Variants in ADCY2 observed in about 807,000 individuals in gnomAD.
ADCY2 encodes adenylate cyclase 2.
Under a neutral mutation model 125.2 loss-of-function variants are expected in ADCY2, and 31 were observed. The ratio of observed to expected loss-of-function variants is 0.25; its 90% CI spans 0.19 to 0.33. The LOEUF (loss-of-function observed/expected upper bound fraction) is 0.33, where lower values mean the gene tolerates loss of function less well. Among genes scored for constraint, ADCY2 ranks in the 10% least tolerant of loss-of-function variants. The pLI is 1.00. For synonymous variants in ADCY2, 512 were observed against 548.4 expected, an observed-to-expected ratio of 0.93 and a Z score of 0.93; for missense variants, 904 against 1,418.2, an observed-to-expected ratio of 0.64 and a Z score of 5.82.
chr5:7,629,465 A>C (rs1738245663), intron 4 of ADCY2, among the ~76,000 whole-genome samples: 1 of 152,238 alleles, frequency 6.6e-6, no homozygotes, highest in Non-Finnish European at 1.5e-5. Flanking sequence ...ATTAAAGCCC[A>C]TGCTTGAATA....
At chr5:7,573,933 C>A (rs1267979256) in intron 3 of ADCY2, among the ~76,000 whole-genome samples, 1 of 104,666 alleles carries the variant, frequency 9.6e-6, no homozygotes, top group Non-Finnish European at 1.9e-5. Context: ...ACAACAGTCC[C>A]CAGAGTGTGA....
intron 3 of ADCY2, among the ~76,000 whole-genome samples, chr5:7,587,171 C>A (rs1170193778): frequency 6.6e-6 from 1 of 152,130 alleles, no homozygotes; most frequent in Admixed American, 6.5e-5. Context: ...ACCATACCAT[C>A]ACTCGCAGGA....
In ADCY2 at chr5:7,617,021, G is replaced by A. The variant is rs145479008; in HGVS notation, c.571-9146G>A. On this transcript the variant is annotated intron_variant, in intron 3 of 24. Coordinates refer to ENST00000338316, the MANE Select transcript of ADCY2 (RefSeq NM_020546.3). ...TTTAATTGCCATTGTAACACTATTA[G>A]GAAGTAGAACTTTTACAAAGTGATT... is the stretch of plus-strand genomic sequence containing the variant. 3.6e-3 allele frequency among the ~76,000 whole-genome samples: 545 copies of A among 152,240 alleles called. 4 individuals carry two copies. Among genetic ancestry groups the A allele is most frequent in the African/African-American group, 0.013 (527 of 41,538 alleles).
chr5:7,647,952 A>T (rs990466342), intron 4 of ADCY2, among the ~76,000 whole-genome samples: 6 of 152,218 alleles, frequency 3.9e-5, no homozygotes, highest in African/African-American at 1.2e-4. Context: ...CGATTAAAGG[A>T]GCCTGGGGAA....
At chr5:7,736,478 G>A (rs1390845671) in intron 14 of ADCY2, among the ~76,000 whole-genome samples, 1 of 152,108 alleles carries the variant, frequency 6.6e-6, no homozygotes, top group African/African-American at 2.4e-5. Flanking sequence ...AGCTCTATTA[G>A]TAACACTCTA....
chr5:7,757,703 G>A, intron 16 of ADCY2, 117 bp downstream of exon 16: 1 of 1,392,952 alleles, frequency 7.2e-7, no homozygotes, highest in East Asian at 2.5e-5. Flanking sequence ...CACCATAGCT[G>A]TGTTCAACAT....
At chr5:7,435,325 T>C (rs1331747271) in intron 2 of ADCY2, among the ~76,000 whole-genome samples, 1 of 152,212 alleles carries the variant, frequency 6.6e-6, no homozygotes, top group African/African-American at 2.4e-5. Context: ...GTGGAAAACC[T>C]GGGCTTAGTT....
chr5:7,824,626 G>A (rs190763591), intron 24 of ADCY2, among the ~76,000 whole-genome samples: 21 of 152,366 alleles, frequency 1.4e-4, no homozygotes, highest in African/African-American at 4.8e-4. Context: ...GACCAGAGCA[G>A]CAGGACATGG....
intron 3 of ADCY2, among the ~76,000 whole-genome samples, chr5:7,555,704 T>G (rs1272312886): frequency 6.6e-6 from 1 of 152,192 alleles, no homozygotes; most frequent in African/African-American, 2.4e-5. Flanking sequence ...CATTTGTATC[T>G]TATAAATTTA....
At chr5:7,482,966 T>A (rs1247839032) in intron 2 of ADCY2, among the ~76,000 whole-genome samples, 1 of 151,808 alleles carries the variant, frequency 6.6e-6, no homozygotes, top group Non-Finnish European at 1.5e-5. Flanking sequence ...CTAAAAACAT[T>A]GATCTCATGG....
intron 2 of ADCY2, among the ~76,000 whole-genome samples, chr5:7,433,293 C>T (rs557468232): frequency 4.7e-4 from 71 of 152,170 alleles, no homozygotes; most frequent in African/African-American, 1.5e-3. Context: ...AAGGAGGAGA[C>T]GATTCCTTGG....
chr5:7,588,911 G>A (rs1736718572), intron 3 of ADCY2, among the ~76,000 whole-genome samples: 1 of 152,190 alleles, frequency 6.6e-6, no homozygotes, highest in South Asian at 2.1e-4. Flanking sequence ...GGAAAATATT[G>A]TAAAGGAGGA....
At chr5:7,758,725 AAGGGAGAGC>A (rs33958858) in intron 16 of ADCY2, among the ~76,000 whole-genome samples, 145,441 of 151,826 alleles carry the variant, frequency 0.96, 69,857 homozygotes, top group East Asian at 1. Context: ...GCATGAGGGG[AAGGGAGAGC>A]AGGGCCTGCT....
rs762237619 is a variant in ADCY2, at chr5:7,743,728, C to T, written c.1932C>T (p.Phe644=). Residue 644 remains phenylalanine, a synonymous_variant, in exon 15 of 25, where the codon TTC becomes TTT. Coordinates refer to ENST00000338316, the MANE Select transcript of ADCY2 (RefSeq NM_020546.3). ...TTCTCTTGCTGGCCTTCATCCTCTT[C>T]GTCTGCTTTGCTGGACAGCTTCTGG... is the stretch of plus-strand genomic sequence containing the variant. ...AAFLLLAFIL[F]VCFAGQLLQC... is the part of the protein sequence containing the mutation. 37 of 1,614,002 alleles carry T rather than the reference C, an allele frequency of 2.3e-5. No homozygotes were observed. Among genetic ancestry groups the T allele is most frequent in the Non-Finnish European group, 2.9e-5 (34 of 1,180,000 alleles).
At chr5:7,520,655 CAG>C in intron 2 of ADCY2, 81 bp from the exon 3 acceptor site, 1 of 1,480,512 alleles carries the variant, frequency 6.8e-7, no homozygotes, top group East Asian at 2.3e-5. Flanking sequence ...CTGTTCTATG[CAG>C]CCTTTAGTGG....
intron 2 of ADCY2, among the ~76,000 whole-genome samples, chr5:7,479,125 A>C (rs4485895): frequency 3.3e-5 from 5 of 152,124 alleles, no homozygotes; most frequent in African/African-American, 1.2e-4. Flanking sequence ...TATATACTTG[A>C]TTCATGAATT....
chr5:7,528,364 T>C (rs1478598869), intron 3 of ADCY2, among the ~76,000 whole-genome samples: 1 of 152,000 alleles, frequency 6.6e-6, no homozygotes, highest in Non-Finnish European at 1.5e-5. Context: ...AGAACAAAAA[T>C]ACAAGAAAGT....
chr5:7,577,050 G>T (rs776451794), intron 3 of ADCY2, among the ~76,000 whole-genome samples: 3 of 152,098 alleles, frequency 2.0e-5, no homozygotes, highest in South Asian at 2.1e-4. Flanking sequence ...TCCCTGATTT[G>T]CCCTGAGTAT....
chr5:7,619,384 G>A (rs910818898), intron 3 of ADCY2, among the ~76,000 whole-genome samples: 10 of 152,158 alleles, frequency 6.6e-5, no homozygotes, highest in African/African-American at 9.7e-5. Context: ...TGCAGAATAG[G>A]TCAAGGATGA....
Sources: gnomAD v4.1 joint callset for allele counts (sites outside exome capture counted in the v4.1 genomes callset) on GRCh38, gnomAD v4.1.1 for gene constraint, MANE v1.5 for transcripts, NCBI Gene and HGNC (gene_info 2026-07-23, HGNC 2026-07-21) for gene names.